The following KIF13B variants were observed in gnomAD, a reference collection of about 807,000 sequenced individuals.
KIF13B encodes kinesin family member 13B.
KIF13B carries 127 observed loss-of-function variants against 222.0 expected under a neutral mutation model. The ratio of observed to expected loss-of-function variants is 0.57; its 90% CI spans 0.50 to 0.66. The LOEUF is 0.66. KIF13B is among the 30% of genes least tolerant of loss of function. The pLI, the probability that KIF13B is intolerant of heterozygous loss-of-function variation, is 0.00. For missense variants in KIF13B, 2,173 were observed against 2,379.0 expected (o/e 0.91, Z 1.80); for synonymous variants, 976 against 919.0 (o/e 1.06, Z -1.12).
At chr8:29,200,643 A>G (rs1242015514) in intron 2 of KIF13B, among the ~76,000 whole-genome samples, 1 of 152,206 alleles carries the variant, frequency 6.6e-6, no homozygotes, top group African/African-American at 2.4e-5. Flanking sequence ...TAAATAACCT[A>G]TAGACAACCT....
intron 2 of KIF13B, among the ~76,000 whole-genome samples, chr8:29,219,706 T>TTG (rs896042823): frequency 6.6e-6 from 1 of 151,984 alleles, no homozygotes; most frequent in Admixed American, 6.6e-5. Flanking sequence ...TGAGCCAAGA[T>TTG]TGTGTCACTG....
intron 2 of KIF13B, 25 bp downstream of exon 2, chr8:29,245,321 A>G (rs781407393): frequency 8.1e-6 from 12 of 1,490,084 alleles, no homozygotes; most frequent in Non-Finnish European, 1.1e-5. Context: ...ACATCCATTG[A>G]GCACAGCACT....
intron 18 of KIF13B, 136 bp from the exon 19 acceptor site, chr8:29,142,439 A>G (rs917887152): frequency 1.4e-6 from 1 of 732,916 alleles, no homozygotes; most frequent in Admixed American, 2.8e-5. Flanking sequence ...GTTGATTACA[A>G]AGCCTCCAAA....
chr8:29,258,686 C>T (rs80279669), intron 1 of KIF13B, among the ~76,000 whole-genome samples: 1,542 of 152,278 alleles, frequency 0.01, 24 homozygotes, highest in African/African-American at 0.036. Flanking sequence ...TACATGCCAT[C>T]CCCTCTCCCG....
Position 29,142,313 on chromosome 8 carries a change from G to A in KIF13B, c.2188-10C>T, listed in dbSNP as rs1379032473. 1 of 1,606,242 alleles carries A rather than the reference G, an allele frequency of 6.2e-7. No homozygotes were observed. The highest frequency in any genetic ancestry group is 8.5e-7 in the Non-Finnish European group (1 of 1,176,098). ...TAAGAAGAGAGCCTCGCTGCAAAGA[G>A]AGTAAGAATGACCGTGAGAAACACA... On this transcript the variant is annotated splice_polypyrimidine_tract_variant and intron_variant, in intron 18 of 39. Coordinates refer to ENST00000524189, the MANE Select transcript of KIF13B (RefSeq NM_015254.4).
In KIF13B at chr8:29,140,615, T is replaced by C; in HGVS notation, c.2337A>G (p.Val779=). The C allele has an allele frequency of 6.2e-7, 1 of 1,612,320 alleles. No homozygotes were observed. Among genetic ancestry groups the C allele is most frequent in the Non-Finnish European group, 8.5e-7 (1 of 1,179,156 alleles). ...EWKECEEDNP[V]IRSYFKRADP... The stretch of plus-strand genomic sequence containing the variant: ...CAGCACGTTTGAAGTATGATCGTAT[T>C]ACCTGTAAAGAGATTGAGAACACAC... The change falls in exon 20 of 40, where the codon GTA becomes GTG. Residue 779 remains valine (V), a splice_region_variant and synonymous_variant. Coordinates refer to ENST00000524189, the MANE Select transcript of KIF13B (RefSeq NM_015254.4).
chr8:29,071,053 A>C lies in KIF13B; in HGVS notation c.5219-287T>G, dbSNP rs568993283. ...GTGACAGGCCCTGGGGGCCCTGGGG[A>C]GTGCCTTGTGGAAGCATAGGTGCAG... On this transcript the variant is annotated intron_variant, in intron 39 of 39. Coordinates refer to ENST00000524189, the MANE Select transcript of KIF13B (RefSeq NM_015254.4). This position sits in a 1 kb window ranked among gnomAD's most constrained non-coding sequence, Gnocchi z 4.9. 6.6e-6 allele frequency among the ~76,000 whole-genome samples: 1 copy of C among 152,270 alleles called. No homozygotes were observed. Among genetic ancestry groups the C allele is most frequent in the East Asian group, 1.9e-4 (1 of 5,172 alleles).
chr8:29,081,232 T>G (rs1007831160), intron 37 of KIF13B, among the ~76,000 whole-genome samples: 19 of 152,218 alleles, frequency 1.2e-4, no homozygotes, highest in Non-Finnish European at 7.3e-5. Flanking sequence ...AAAGCTCAGT[T>G]CTGCCACTCC....
intron 37 of KIF13B, among the ~76,000 whole-genome samples, chr8:29,087,914 A>T (rs866680385): frequency 1.4e-5 from 2 of 147,430 alleles, no homozygotes; most frequent in East Asian, 2.0e-4. Flanking sequence ...AAAATAAATT[A>T]AAAAAAAAAA....
intron 2 of KIF13B, among the ~76,000 whole-genome samples, chr8:29,219,745 C>CT (rs1814657812): frequency 7.5e-6 from 1 of 133,076 alleles, no homozygotes; most frequent in Non-Finnish European, 1.6e-5. Context: ...ACCCTGTTTC[C>CT]AAAATAAATA....
At chr8:29,200,113 C>A (rs974833050) in intron 2 of KIF13B, among the ~76,000 whole-genome samples, 1 of 152,050 alleles carries the variant, frequency 6.6e-6, no homozygotes. Flanking sequence ...AGAAACAAAC[C>A]AGTAAATTAA....
chr8:29,233,131 G>A (rs1294058545), intron 2 of KIF13B, among the ~76,000 whole-genome samples: 4 of 152,130 alleles, frequency 2.6e-5, no homozygotes, highest in South Asian at 4.1e-4. Flanking sequence ...ACTCTAGCCC[G>A]GGTGACAGAG....
chr8:29,213,646 T>A (rs1232686508), intron 2 of KIF13B, among the ~76,000 whole-genome samples: 2 of 152,164 alleles, frequency 1.3e-5, no homozygotes, highest in Admixed American at 6.5e-5. Context: ...TAGGCATTTG[T>A]GTATCTAAAC....
intron 24 of KIF13B, among the ~76,000 whole-genome samples, chr8:29,128,332 A>C (rs1413452484): frequency 6.6e-6 from 1 of 152,162 alleles, no homozygotes; most frequent in Non-Finnish European, 1.5e-5. Flanking sequence ...ACAGAATTTA[A>C]ATGTTCAATT....
At position 29,075,168 on chromosome 8, in the gene KIF13B, A is replaced by G. The variant is rs184032384; in HGVS notation, c.4521+113T>C. On this transcript the variant is annotated intron_variant, in intron 38 of 39. Coordinates refer to ENST00000524189, the MANE Select transcript of KIF13B (RefSeq NM_015254.4). ...GCAGTGACCTATATTATAACTAATT[A>G]CCAAAACAGGAATGCTAACATCAAA... 1.4e-3 allele frequency: 1,138 copies of G among 810,176 alleles called. 2 individuals carry two copies. The highest frequency in any genetic ancestry group is 2.0e-3 in the Non-Finnish European group (962 of 480,760). The allele number at this position is 810,176 out of a possible 1,614,324, so 50.2% of individuals were successfully genotyped here.
chr8:29,230,339 G>A (rs1815229110), intron 2 of KIF13B, among the ~76,000 whole-genome samples: 1 of 152,158 alleles, frequency 6.6e-6, no homozygotes, highest in Non-Finnish European at 1.5e-5. Flanking sequence ...CTTTGCTACT[G>A]CTTACGGGGT....
chr8:29,097,087 A>C (rs1808566973), intron 36 of KIF13B, among the ~76,000 whole-genome samples: 2 of 152,218 alleles, frequency 1.3e-5, no homozygotes, highest in Non-Finnish European at 2.9e-5. Flanking sequence ...AATCGCTTTT[A>C]ATTTAAAGAC....
At chr8:29,175,834 G>A (rs967332746) in intron 10 of KIF13B, among the ~76,000 whole-genome samples, 6 of 152,178 alleles carry the variant, frequency 3.9e-5, no homozygotes, top group Non-Finnish European at 8.8e-5. Flanking sequence ...GTGTGATTCC[G>A]TGTGCGTCCA....
intron 10 of KIF13B, among the ~76,000 whole-genome samples, chr8:29,174,317 AG>A (rs1812387976): frequency 1.3e-5 from 2 of 152,306 alleles, no homozygotes; most frequent in South Asian, 4.1e-4. Flanking sequence ...CATCCTCCAA[AG>A]TCTTGAATTT....
Sources: allele counts gnomAD v4.1 joint callset (sites outside exome capture counted in the v4.1 genomes callset), GRCh38; gene constraint gnomAD v4.1.1; non-coding constraint Gnocchi (gnomAD v3.1); transcripts MANE v1.5; gene names NCBI Gene and HGNC (gene_info 2026-07-23, HGNC 2026-07-21).